Variants in GFRA1 observed in about 807,000 individuals in gnomAD.
GFRA1 encodes GDNF family receptor alpha-1.
GFRA1 carries 16 observed loss-of-function variants against 51.6 expected under a neutral mutation model. The observed-to-expected ratio is 0.31, with a 90% CI of 0.21 to 0.47. The LOEUF (loss-of-function observed/expected upper bound fraction) is 0.47. Ranked by LOEUF, GFRA1 falls within the 20% of genes least tolerant of loss-of-function variation. The probability of loss-of-function intolerance (pLI) is 1.00; values close to 1 mark genes in which losing one functional copy is unlikely to be tolerated. For missense variants in GFRA1, 530 were observed against 594.3 expected (o/e 0.89, Z 1.13); for synonymous variants, 270 against 241.3 (o/e 1.12, Z -1.10).
chr10:116,254,204 C>T (rs1968622762), intron 4 of GFRA1, among the ~76,000 whole-genome samples: 1 of 151,476 alleles, frequency 6.6e-6, no homozygotes, highest in Admixed American at 6.6e-5. Context: ...TGCCTGTAAT[C>T]CCAGCTACTC....
chr10:116,198,142 A>C (rs1832654101), intron 5 of GFRA1, among the ~76,000 whole-genome samples: 1 of 152,210 alleles, frequency 6.6e-6, no homozygotes, highest in Admixed American at 6.5e-5. Flanking sequence ...AAACCACAGC[A>C]GGCTTCTGAT....
At chr10:116,175,631 G>A (rs145270635) in intron 5 of GFRA1, among the ~76,000 whole-genome samples, 43 of 152,214 alleles carry the variant, frequency 2.8e-4, no homozygotes, top group African/African-American at 1.0e-3. Context: ...CTCTACCATC[G>A]TCAGGGTCCC....
intron 5 of GFRA1, among the ~76,000 whole-genome samples, chr10:116,196,569 A>T (rs1191223359): frequency 2.2e-5 from 1 of 45,398 alleles, no homozygotes; most frequent in Non-Finnish European, 4.4e-5. Flanking sequence ...ACTATATATA[A>T]TATATATAAT....
chr10:116,061,753 TTTGCTTTTAAGCACG>T lies in GFRA1; in HGVS notation c.*2630_*2644del. The stretch of plus-strand genomic sequence containing the variant: ...GAAGGACAGGAAGTAGCGAATCATT[TTTGCTTTTAAGCACG>T]CCAAGAAGAAGTGAGACAGGTAAAT... On this transcript the variant is annotated 3_prime_UTR_variant, in exon 11 of 11. Transcript: ENST00000355422. 2.7e-6 allele frequency: 1 copy of T among 372,494 alleles called. No individual in the cohort carries two copies. The highest frequency in any genetic ancestry group is 4.8e-6 in the Non-Finnish European group (1 of 210,014). The allele number at this position is 372,494 out of a possible 1,614,324, so 23.1% of individuals were successfully genotyped here.
intron 5 of GFRA1, among the ~76,000 whole-genome samples, chr10:116,128,522 G>A (rs3781527): frequency 0.5 from 75,422 of 151,500 alleles, 20,071 homozygotes; most frequent in Admixed American, 0.63. Context: ...TCAGGAGATC[G>A]AGACCACCCT....
intron 4 of GFRA1, among the ~76,000 whole-genome samples, chr10:116,222,910 A>C (rs1966023491): frequency 6.6e-6 from 1 of 152,218 alleles, no homozygotes; most frequent in Admixed American, 6.5e-5. Flanking sequence ...CAAACTAAAA[A>C]CAATAAAGTA....
chr10:116,176,949 C>G (rs184580615), intron 5 of GFRA1, among the ~76,000 whole-genome samples: 130 of 152,258 alleles, frequency 8.5e-4, no homozygotes, highest in African/African-American at 2.7e-3. Context: ...AACTTTTAAG[C>G]TGGTCTTGAA....
At chr10:116,162,681 G>A (rs1022893405) in intron 5 of GFRA1, among the ~76,000 whole-genome samples, 2 of 152,166 alleles carry the variant, frequency 1.3e-5, no homozygotes, top group Non-Finnish European at 2.9e-5. Context: ...CTTTTTAAAA[G>A]ACAATTATAC....
chr10:116,194,477 T>A (rs1023775770), intron 5 of GFRA1, among the ~76,000 whole-genome samples: 3 of 152,176 alleles, frequency 2.0e-5, no homozygotes, highest in African/African-American at 7.2e-5. Context: ...TAATTAAAAT[T>A]TCTGGTATAG....
At chr10:116,126,507 G>A (rs10510014) in intron 5 of GFRA1, among the ~76,000 whole-genome samples, 35,350 of 152,278 alleles carry the variant, frequency 0.23, 4,140 homozygotes, top group Middle Eastern at 0.26. Flanking sequence ...ATGGACAACA[G>A]GAATTCAGCC....
chr10:116,239,583 GTAACT>G (rs1253204580), intron 4 of GFRA1, among the ~76,000 whole-genome samples: 1 of 152,096 alleles, frequency 6.6e-6, no homozygotes, highest in African/African-American at 2.4e-5. Flanking sequence ...AGATAAGAAC[GTAACT>G]TAACAATGAA....
chr10:116,076,740 T>A (rs931723860), intron 9 of GFRA1, among the ~76,000 whole-genome samples: 1 of 152,186 alleles, frequency 6.6e-6, no homozygotes, highest in African/African-American at 2.4e-5. Context: ...TCACACTTGT[T>A]TTCAAGGGTC....
chr10:116,083,592 G>T lies in GFRA1; in HGVS notation c.1197+6149C>A, dbSNP rs189079520. Among the ~76,000 whole-genome samples, 548 of 152,336 alleles carry T rather than the reference G, an allele frequency of 3.6e-3. 2 individuals are homozygous for T. Among genetic ancestry groups the T allele is most frequent in the Non-Finnish European group, 6.7e-3 (457 of 68,034 alleles). On this transcript the variant is annotated intron_variant, in intron 9 of 10. Transcript: ENST00000355422. ...ATGATTTACAGAACACCCATTGGCA[G>T]CTTTCCTTTTAAAACTCGACACTTA...
chr10:116,208,057 C>G (rs2134426884), intron 5 of GFRA1, among the ~76,000 whole-genome samples: 1 of 152,096 alleles, frequency 6.6e-6, no homozygotes, highest in South Asian at 2.1e-4. Flanking sequence ...TTTCTCTCAG[C>G]TCCCTAGATG....
intron 5 of GFRA1, among the ~76,000 whole-genome samples, chr10:116,168,810 T>C (rs1378359712): frequency 6.6e-6 from 1 of 152,226 alleles, no homozygotes; most frequent in Non-Finnish European, 1.5e-5. Flanking sequence ...CAACTGTTTC[T>C]TGAAGCCATC....
chr10:116,089,780 T>C lies in GFRA1; in HGVS notation c.1158A>G (p.Glu386=), dbSNP rs758668156. The change falls in exon 9 of 11, where the codon GAA becomes GAG. Residue 386 remains glutamate, a synonymous_variant. Transcript: ENST00000355422. The part of the protein sequence containing the change: ...KPLGPAGSEN[E]IPTHVLPPCA... ...ACGGTGGCAAAACATGAGTGGGAAT[T>C]TCATTCTCAGACCCTGCTGGCCCCA... 6.2e-7 allele frequency: 1 copy of C among 1,614,084 alleles called. No individual in the cohort carries two copies. Among genetic ancestry groups the C allele is most frequent in the Non-Finnish European group, 8.5e-7 (1 of 1,180,004 alleles).
intron 4 of GFRA1, among the ~76,000 whole-genome samples, chr10:116,212,113 G>A (rs979974554): frequency 1.4e-4 from 21 of 152,108 alleles, no homozygotes; most frequent in African/African-American, 4.8e-4. Context: ...GGCCACAGAG[G>A]AACAAGCATG....
At chr10:116,137,484 C>T (rs1184631938) in intron 5 of GFRA1, among the ~76,000 whole-genome samples, 1 of 152,182 alleles carries the variant, frequency 6.6e-6, no homozygotes, top group East Asian at 1.9e-4. Context: ...TTTGCCTTCA[C>T]CTGCTTCCCA....
chr10:116,146,008 TAC>T (rs139009740), intron 5 of GFRA1, among the ~76,000 whole-genome samples: 4 of 151,570 alleles, frequency 2.6e-5, no homozygotes, highest in South Asian at 2.1e-4. Flanking sequence ...AAACAAAGTG[TAC>T]ACACACACAC....
Sources: allele counts gnomAD v4.1 joint callset (sites outside exome capture counted in the v4.1 genomes callset), GRCh38; gene constraint gnomAD v4.1.1; transcripts MANE v1.5; gene names NCBI Gene and HGNC (gene_info 2026-07-23, HGNC 2026-07-21).